Variants in PREX2 observed in about 807,000 individuals in gnomAD.
PREX2 encodes phosphatidylinositol 3,4,5-trisphosphate-dependent Rac exchanger 2 protein.
In PREX2, 107 loss-of-function variants were observed where a neutral mutation model predicts 203.2. The ratio of observed to expected loss-of-function variants is 0.53; its 90% CI spans 0.45 to 0.62. The LOEUF (loss-of-function observed/expected upper bound fraction) is 0.62. PREX2 is among the 20% of genes least tolerant of loss of function. PREX2 has a pLI of 0.00. For synonymous variants in PREX2, 672 were observed against 663.6 expected (o/e 1.01, Z -0.19); for missense variants, 1,777 against 1,955.9 (o/e 0.91, Z 1.72).
intron 37 of PREX2, among the ~76,000 whole-genome samples, chr8:68,204,046 C>T (rs1322699232): frequency 6.6e-6 from 1 of 152,086 alleles, no homozygotes; most frequent in African/African-American, 2.4e-5. Context: ...CCGCCCCACC[C>T]ACCAAAATAG....
At chr8:68,128,174 C>T (rs988919046) in intron 31 of PREX2, among the ~76,000 whole-genome samples, 1 of 152,148 alleles carries the variant, frequency 6.6e-6, no homozygotes, top group South Asian at 2.1e-4. Flanking sequence ...GCCTGCTGTG[C>T]GTCTCTTTCT....
rs948306822 is a variant in PREX2 at position 68,134,290 on chromosome 8, A to G, written c.3984+14A>G. On this transcript the variant is annotated intron_variant, in intron 32 of 39. Transcript: ENST00000288368. ...TCACCAAACTTGGTAAGGAAATCAC[A>G]TGACTCCCACTGTCTGTGTCAACTG... 1.3e-6 allele frequency: 2 copies of G among 1,594,180 alleles called. No homozygotes were observed. The highest frequency in any genetic ancestry group is 1.7e-6 in the Non-Finnish European group (2 of 1,162,238).
intron 35 of PREX2, among the ~76,000 whole-genome samples, chr8:68,182,606 A>ATGTATATATATAGT (rs1196948156): frequency 1.3e-5 from 2 of 152,018 alleles, no homozygotes; most frequent in African/African-American, 2.4e-5. Flanking sequence ...GTTAGATTTT[A>ATGTATATATATAGT]TGTATATATA....
chr8:68,089,396 C>A (rs1284313804), intron 19 of PREX2, among the ~76,000 whole-genome samples: 1 of 152,148 alleles, frequency 6.6e-6, no homozygotes, highest in Non-Finnish European at 1.5e-5. Context: ...GCCTTTCAGA[C>A]AGGAAGCCCT....
chr8:68,129,283 TG>T (rs1810956228), intron 31 of PREX2, among the ~76,000 whole-genome samples: 1 of 152,206 alleles, frequency 6.6e-6, no homozygotes, highest in South Asian at 2.1e-4. Flanking sequence ...GATTCTGGGA[TG>T]CTTCGTTTTA....
At chr8:67,970,769 A>T (rs1227931233) in intron 1 of PREX2, among the ~76,000 whole-genome samples, 1 of 152,234 alleles carries the variant, frequency 6.6e-6, no homozygotes, top group African/African-American at 2.4e-5. Flanking sequence ...AGTGCATGTC[A>T]GGAGGCTTGA....
At chr8:67,992,652 G>A (rs1281010128) in intron 1 of PREX2, among the ~76,000 whole-genome samples, 1 of 152,166 alleles carries the variant, frequency 6.6e-6, no homozygotes, top group Non-Finnish European at 1.5e-5. Context: ...AGTGTGTTGC[G>A]AGAAACATCA....
At chr8:68,100,805 AG>A (rs1295951896) in intron 23 of PREX2, among the ~76,000 whole-genome samples, 1 of 152,162 alleles carries the variant, frequency 6.6e-6, no homozygotes, top group African/African-American at 2.4e-5. Context: ...CATCTGATTT[AG>A]GCTTTTGAAA....
At chr8:68,039,822 A>G (rs973044947) in intron 7 of PREX2, among the ~76,000 whole-genome samples, 1 of 152,066 alleles carries the variant, frequency 6.6e-6, no homozygotes, top group Non-Finnish European at 1.5e-5. Context: ...ACATCTCTCC[A>G]TCATCATTAC....
At chr8:68,186,335 T>C (rs1812187589) in intron 35 of PREX2, among the ~76,000 whole-genome samples, 1 of 152,174 alleles carries the variant, frequency 6.6e-6, no homozygotes, top group African/African-American at 2.4e-5. Context: ...TCCATTACCA[T>C]GGATTAACAA....
At position 68,060,705 on chromosome 8, in the gene PREX2, T is replaced by C. The variant is rs868064033; in HGVS notation, c.1265T>C (p.Ile422Thr). Residue 422 changes from isoleucine to threonine, a missense_variant, in exon 11 of 40, where the codon ATT (isoleucine) becomes ACT (threonine). Transcript: ENST00000288368. Reference protein sequence around the residue: ...GSEFVSWLLEIGEIHRPEEGV... With the variant: ...GSEFVSWLLETGEIHRPEEGV... ...GAATTTGTGTCATGGCTGTTGGAAA[T>C]TGGAGAGATTCACAGGCCTGAGGAA... The C allele has an allele frequency of 6.2e-7, 1 of 1,611,962 alleles. No individual in the cohort carries two copies. Among genetic ancestry groups the C allele is most frequent in the Middle Eastern group, 1.7e-4 (1 of 6,052 alleles).
At chr8:68,164,223 C>T (rs1292224116) in intron 35 of PREX2, among the ~76,000 whole-genome samples, 2 of 151,986 alleles carry the variant, frequency 1.3e-5, no homozygotes, top group East Asian at 3.9e-4. Context: ...AACAATAGAA[C>T]AATTTTTAAG....
intron 18 of PREX2, among the ~76,000 whole-genome samples, chr8:68,085,469 T>A (rs1195034058): frequency 6.6e-6 from 1 of 152,266 alleles, no homozygotes; most frequent in East Asian, 1.9e-4. Flanking sequence ...TTAAGTAGTA[T>A]CCCATTTTGA....
chr8:68,193,708 G>T (rs1380992092), intron 37 of PREX2, among the ~76,000 whole-genome samples: 1 of 152,214 alleles, frequency 6.6e-6, no homozygotes, highest in Non-Finnish European at 1.5e-5. Flanking sequence ...AGGATTCAGA[G>T]GGAGAATAGA....
chr8:68,136,411 A>G (rs936719646), intron 32 of PREX2, among the ~76,000 whole-genome samples: 2 of 152,190 alleles, frequency 1.3e-5, no homozygotes, highest in African/African-American at 2.4e-5. Context: ...ACATCCACCC[A>G]GGAATGTGAA....
chr8:68,010,339 C>G (rs995058214), intron 1 of PREX2, among the ~76,000 whole-genome samples: 1 of 152,098 alleles, frequency 6.6e-6, no homozygotes, highest in African/African-American at 2.4e-5. Flanking sequence ...AGGACTTCTC[C>G]AGAAAGTAGA....
chr8:68,119,581 C>A, intron 28 of PREX2, 67 bp downstream of exon 28: 1 of 1,126,344 alleles, frequency 8.9e-7, no homozygotes. Flanking sequence ...TTTTCATATG[C>A]AGTAAAAGGA....
At chr8:68,127,495 G>A in intron 31 of PREX2, 76 bp downstream of exon 31, 3 of 950,004 alleles carry the variant, frequency 3.2e-6, no homozygotes, top group Admixed American at 1.8e-5. Context: ...TGAAATTTGA[G>A]GACAACGCCT....
intron 31 of PREX2, among the ~76,000 whole-genome samples, chr8:68,128,507 T>A (rs1563557978): frequency 6.6e-6 from 1 of 152,156 alleles, no homozygotes. Flanking sequence ...GTGTCTGCAG[T>A]CAGGTGGTGG....
Sources: allele counts gnomAD v4.1 joint callset (sites outside exome capture counted in the v4.1 genomes callset), GRCh38; gene constraint gnomAD v4.1.1; transcripts MANE v1.5; gene names NCBI Gene and HGNC (gene_info 2026-07-23, HGNC 2026-07-21).